ARHGAP23: variants seen among roughly 807,000 people sequenced by gnomAD.
ARHGAP23 encodes the protein rho GTPase-activating protein 23.
A neutral mutation model predicts 136.3 loss-of-function variants in ARHGAP23; 34 were observed. The ratio of observed to expected loss-of-function variants is 0.25; its 90% confidence interval spans 0.19 to 0.33. The LOEUF (loss-of-function observed/expected upper bound fraction) is 0.33. Ranked by LOEUF, ARHGAP23 falls within the 10% of genes least tolerant of loss-of-function variation. The pLI, the probability that ARHGAP23 is intolerant of heterozygous loss-of-function variation, is 1.00. For missense variants in ARHGAP23, 1,808 were observed against 2,139.0 expected (o/e 0.85, Z 3.05); for synonymous variants, 832 against 920.5 (o/e 0.90, Z 1.74).
chr17:38,467,091 C>T lies in ARHGAP23; in HGVS notation c.1408C>T (p.Arg470Trp), dbSNP rs908549016. 45 of 1,550,718 alleles carry T rather than the reference C, an allele frequency of 2.9e-5. No individual in the cohort carries two copies. Among genetic ancestry groups the T allele is most frequent in the East Asian group, 1.7e-4 (7 of 40,902 alleles). Residue 470 changes from arginine to tryptophan, a missense_variant, in exon 7 of 24, where the codon CGG becomes TGG. Arg to Trp is a moderately radical substitution (Grantham distance 101). Transcript: ENST00000622683. ...GGCCTCCGAGCCACCCAGGGTTGTA[C>T]GGCCGGAACCCAGCACCCGGGCCCT... The part of the protein sequence containing the change: ...PEASEPPRVV[R>W]PEPSTRALEP...
chr17:38,509,473 G>A (rs1045579807), intron 23 of ARHGAP23, among the ~76,000 whole-genome samples: 3 of 152,162 alleles, frequency 2.0e-5, no homozygotes, highest in Non-Finnish European at 4.4e-5. Context: ...CAGGTTTCCA[G>A]GTGGCAGCGG....
intron 6 of ARHGAP23, 69 bp downstream of exon 6, chr17:38,463,451 G>A: frequency 6.5e-7 from 1 of 1,526,794 alleles, no homozygotes; most frequent in South Asian, 1.2e-5. Flanking sequence ...CCCCTGGGAG[G>A]CAGAGAAGGA....
intron 22 of ARHGAP23, chr17:38,500,251 C>T: frequency 2.9e-6 from 1 of 340,968 alleles, no homozygotes; most frequent in East Asian, 6.0e-5. Context: ...GGCATTTTCT[C>T]TCCAGTGCTT....
At chr17:38,458,733 C>T (rs2144610974) in intron 2 of ARHGAP23, among the ~76,000 whole-genome samples, 1 of 152,326 alleles carries the variant, frequency 6.6e-6, no homozygotes, top group African/African-American at 2.4e-5. Flanking sequence ...TCCCAGCACG[C>T]CCCTGGCCCC....
At position 38,511,016 on chromosome 17, in the gene ARHGAP23, C is replaced by T. The variant is rs1002406502; in HGVS notation, c.*44C>T. On this transcript the variant is annotated 3_prime_UTR_variant, in exon 24 of 24. Coordinates refer to ENST00000622683, the MANE Select transcript of ARHGAP23 (RefSeq NM_001199417.2). ...CTCGGGCGCCACCCCTCCCTAGAGC[C>T]CCTTTGGAACCAGGAGGCTTCACCA... is the stretch of plus-strand genomic sequence containing the variant. The T allele has an allele frequency of 3.0e-5, 42 of 1,385,408 alleles. No homozygotes were observed. Among genetic ancestry groups the T allele is most frequent in the Non-Finnish European group, 3.9e-5 (42 of 1,080,366 alleles). The allele number at this position is 1,385,408 out of a possible 1,614,324, so 85.8% of individuals were successfully genotyped here. A position where few individuals can be genotyped will look rare whatever the true frequency, so the allele number is the denominator to read the frequency against.
upstream of ARHGAP23, among the ~76,000 whole-genome samples, chr17:38,426,165 A>G (rs1353000877): frequency 3.3e-5 from 5 of 151,998 alleles, no homozygotes; most frequent in African/African-American, 1.2e-4. Flanking sequence ...CCTCTGAGCC[A>G]AGGTGGCAAC....
rs746078583 is a variant in ARHGAP23 at position 38,469,306 on chromosome 17, A to T, written c.1804+7A>T. The T allele has an allele frequency of 5.8e-6, 9 of 1,546,460 alleles. No individual in the cohort carries two copies. The highest frequency in any genetic ancestry group is 1.4e-5 in the African/African-American group (1 of 72,670). ...CATTACTCGCAGGACTGCAGTGAGCACTCCCCACACCCCCAGCCCCACCCT... is the reference window on the plus strand; with the variant it reads ...CATTACTCGCAGGACTGCAGTGAGCTCTCCCCACACCCCCAGCCCCACCCT... On this transcript the variant is annotated splice_region_variant and intron_variant, in intron 8 of 23. Transcript: ENST00000622683.
intron 6 of ARHGAP23, among the ~76,000 whole-genome samples, chr17:38,465,472 A>G (rs2039567577): frequency 6.6e-6 from 1 of 152,196 alleles, no homozygotes; most frequent in Admixed American, 6.5e-5. Flanking sequence ...CCCAGGCCAC[A>G]AGGCCGCTGT....
At chr17:38,479,389 C>T in intron 12 of ARHGAP23, 47 bp from the exon 13 acceptor site, 13 of 1,502,456 alleles carry the variant, frequency 8.7e-6, no homozygotes, top group East Asian at 2.5e-5. Context: ...CTGGGGTGGG[C>T]TGGCTGTGGG....
At chr17:38,506,127 T>G (rs2040629664) in intron 23 of ARHGAP23, among the ~76,000 whole-genome samples, 1 of 152,208 alleles carries the variant, frequency 6.6e-6, no homozygotes, top group Non-Finnish European at 1.5e-5. Flanking sequence ...CAATAATGCC[T>G]TTGGTCATCG....
chr17:38,491,563 GC>G (rs1238837259), intron 20 of ARHGAP23, 31 bp downstream of exon 20: 3 of 1,548,906 alleles, frequency 1.9e-6, no homozygotes, highest in Admixed American at 3.9e-5. Context: ...GCGCCCGGCA[GC>G]CCCTGGGGCC....
chr17:38,488,202 C>T (rs912354416), intron 17 of ARHGAP23, among the ~76,000 whole-genome samples: 2 of 152,178 alleles, frequency 1.3e-5, no homozygotes, highest in African/African-American at 4.8e-5. Context: ...GCCACCTCAC[C>T]CAGACAGCAT....
Position 38,512,036 on chromosome 17 carries a change from G to A in ARHGAP23, c.*1064G>A, listed in dbSNP as rs1346636506. ...CCCACACACCCTCACTCATTCCAGG[G>A]AAGCCCAGGTAGGTGGTGAACCCGC... On this transcript the variant is annotated 3_prime_UTR_variant, in exon 24 of 24. Coordinates refer to ENST00000622683, the MANE Select transcript of ARHGAP23 (RefSeq NM_001199417.2). The A allele has an allele frequency of 6.6e-6, 1 of 152,186 alleles. No individual in the cohort carries two copies. The highest frequency in any genetic ancestry group is 1.9e-4 in the East Asian group (1 of 5,192). 9.4% of individuals were successfully genotyped at this position (152,186 alleles called of 1,614,324 possible). A position where few individuals can be genotyped will look rare whatever the true frequency, so the allele number is the denominator to read the frequency against.
chr17:38,475,661 C>T (rs1022737517), intron 11 of ARHGAP23, among the ~76,000 whole-genome samples: 1 of 152,198 alleles, frequency 6.6e-6, no homozygotes, highest in African/African-American at 2.4e-5. Flanking sequence ...AGATGGAGCT[C>T]CTGCCCTCAG....
At position 38,510,194 on chromosome 17, in the gene ARHGAP23, C is replaced by T. The variant is rs766695229; in HGVS notation, c.3698C>T (p.Ala1233Val). 1.5e-6 allele frequency: 2 copies of T among 1,355,352 alleles called. No individual in the cohort carries two copies. The highest frequency in any genetic ancestry group is 3.0e-5 in the Admixed American group (1 of 33,050). The allele number at this position is 1,355,352 out of a possible 1,614,324, so 84.0% of individuals were successfully genotyped here. The change falls in exon 24 of 24, where the codon GCG (alanine) becomes GTG (valine). Residue 1233 changes from alanine (A) to valine (V), a missense_variant. Physicochemically the swap from Ala to Val is moderately conservative, Grantham distance 64. Transcript: ENST00000622683. This position sits in a 1 kb window ranked among gnomAD's most constrained non-coding sequence, Gnocchi z 4.6. Reference protein sequence around the residue: ...PEAPGRLSPPAAPEERPAADT... With the variant: ...PEAPGRLSPPVAPEERPAADT... The stretch of plus-strand genomic sequence containing the variant: ...GCCCCCGGACGCCTCAGTCCCCCGG[C>T]GGCGCCGGAGGAGCGGCCGGCCGCG...
chr17:38,441,846 G>A (rs147728481), intron 1 of ARHGAP23, among the ~76,000 whole-genome samples: 97 of 152,286 alleles, frequency 6.4e-4, no homozygotes, highest in African/African-American at 2.1e-3. Context: ...GGCTTGGCAC[G>A]TTGCAGAACC....
chr17:38,510,281 C>G lies in ARHGAP23; in HGVS notation c.3785C>G (p.Ser1262Trp). 7.8e-7 allele frequency: 1 copy of G among 1,287,080 alleles called. No homozygotes were observed. Among genetic ancestry groups the G allele is most frequent in the East Asian group, 3.1e-5 (1 of 31,888 alleles). 79.7% of individuals were successfully genotyped at this position (1,287,080 alleles called of 1,614,324 possible). Reference protein sequence around the residue: ...TLSTMDRSVCSGASGRRAGAG... With the variant: ...TLSTMDRSVCWGASGRRAGAG... ...TCCACCATGGACCGCAGCGTGTGCT[C>G]GGGCGCTAGCGGTCGGCGGGCAGGG... Residue 1262 changes from serine to tryptophan, a missense_variant, in exon 24 of 24, where the codon TCG becomes TGG. Physicochemically the swap from Ser to Trp is radical, Grantham distance 177 (BLOSUM62 -3). This residue lies in a region of ARHGAP23 where 506 missense variants were observed against 455.8 expected (regional missense o/e 1.11). Transcript: ENST00000622683. The surrounding 1 kb of genome is among the most constrained non-coding windows in gnomAD (Gnocchi z 4.6).
Position 38,511,015 on chromosome 17 carries a change from C to A in ARHGAP23, c.*43C>A. 7.2e-7 allele frequency: 1 copy of A among 1,390,050 alleles called. No individual in the cohort carries two copies. Among genetic ancestry groups the A allele is most frequent in the Non-Finnish European group, 9.2e-7 (1 of 1,083,694 alleles). 86.1% of individuals were successfully genotyped at this position (1,390,050 alleles called of 1,614,324 possible). A position where few individuals can be genotyped will look rare whatever the true frequency, so the allele number is the denominator to read the frequency against. On this transcript the variant is annotated 3_prime_UTR_variant, in exon 24 of 24. Coordinates refer to ENST00000622683, the MANE Select transcript of ARHGAP23 (RefSeq NM_001199417.2). ...GCTCGGGCGCCACCCCTCCCTAGAG[C>A]CCCTTTGGAACCAGGAGGCTTCACC...
chr17:38,491,442 G>A lies in ARHGAP23; in HGVS notation c.3186G>A (p.Pro1062=), dbSNP rs1208077564. 5 of 1,549,668 alleles carry A rather than the reference G, an allele frequency of 3.2e-6. No homozygotes were observed. Among genetic ancestry groups the A allele is most frequent in the Middle Eastern group, 2.3e-4 (1 of 4,362 alleles). ...EPRNLALVFG[P]TLVRTSEDNM... ...GGAACCTGGCCCTGGTCTTTGGGCC[G>A]ACACTGGTGAGGACGTCTGAGGACA... Residue 1062 remains proline, a synonymous_variant, in exon 20 of 24, where the codon CCG becomes CCA. Coordinates refer to ENST00000622683, the MANE Select transcript of ARHGAP23 (RefSeq NM_001199417.2).
Sources: allele counts gnomAD v4.1 joint callset (sites outside exome capture counted in the v4.1 genomes callset), GRCh38; gene constraint gnomAD v4.1.1; regional missense constraint gnomAD v4.1.1; non-coding constraint Gnocchi (gnomAD v3.1); transcripts MANE v1.5; gene names NCBI Gene and HGNC (gene_info 2026-07-23, HGNC 2026-07-21).